The following DMD variants were observed in gnomAD, a reference collection of about 807,000 sequenced individuals.
DMD encodes dystrophin.
A neutral mutation model predicts 330.1 loss-of-function variants in DMD; 63 were observed. The ratio of observed to expected loss-of-function variants is 0.19; its 90% CI spans 0.16 to 0.24. The LOEUF (loss-of-function observed/expected upper bound fraction) is 0.24. Ranked by LOEUF, DMD falls within the 10% of genes least tolerant of loss-of-function variation. DMD has a pLI of 1.00. For missense variants in DMD, 3,344 were observed against 2,684.1 expected (o/e 1.25, Z -5.43); for synonymous variants, 1,223 against 959.8 (o/e 1.27, Z -5.07).
intron 7 of DMD, among the ~76,000 whole-genome samples, chrX:32,720,938 C>T (rs1457088404): frequency 1.8e-5 from 2 of 111,415 alleles, no homozygotes; most frequent in African/African-American, 6.5e-5. Context: ...TATACATTTT[C>T]TTCAGATTTC....
At chrX:32,227,425 C>A (rs1395913053) in intron 43 of DMD, among the ~76,000 whole-genome samples, 2 of 104,746 alleles carry the variant, frequency 1.9e-5, no homozygotes, top group African/African-American at 6.9e-5. Context: ...ATGGATGGAA[C>A]TGGTGGTCAT....
chrX:32,307,501 C>A (rs2097544911), intron 42 of DMD, among the ~76,000 whole-genome samples: 2 of 111,704 alleles, frequency 1.8e-5, no homozygotes, highest in South Asian at 7.3e-4. Flanking sequence ...AGCTACCAGT[C>A]AGAGTACAAG....
At chrX:32,786,875 G>A (rs1435249153) in intron 7 of DMD, among the ~76,000 whole-genome samples, 1 of 111,377 alleles carries the variant, frequency 9.0e-6, no homozygotes, top group Non-Finnish European at 1.9e-5. Flanking sequence ...TAGAGTTTTT[G>A]CAGAAATAAA....
intron 2 of DMD, among the ~76,000 whole-genome samples, chrX:32,921,372 T>A (rs2088377033): frequency 8.9e-6 from 1 of 112,041 alleles, no homozygotes; most frequent in Non-Finnish European, 1.9e-5. Context: ...TGAAAATATG[T>A]TCATCCTCAT....
In DMD at chrX:32,052,335, C is replaced by T. The variant is rs146822874; in HGVS notation, c.6439-83821G>A. ...ATTCTTGACCCCAAATGAATCTTAA[C>T]ACATGGATGAAACACTTCAAAAAGT... On this transcript the variant is annotated intron_variant, in intron 44 of 78. Coordinates refer to ENST00000357033, the MANE Select transcript of DMD (RefSeq NM_004006.3). 9.1e-3 allele frequency among the ~76,000 whole-genome samples: 1,009 copies of T among 110,839 alleles called. 16 individuals are homozygous for T. The highest frequency in any genetic ancestry group is 0.029 in the African/African-American group (874 of 30,604).
At chrX:31,276,991 G>A (rs1289426939) in intron 62 of DMD, among the ~76,000 whole-genome samples, 1 of 111,766 alleles carries the variant, frequency 8.9e-6, no homozygotes, top group African/African-American at 3.3e-5. Context: ...CTGGTTAAAT[G>A]AGTGTGTTCA....
intron 7 of DMD, among the ~76,000 whole-genome samples, chrX:32,750,770 G>A (rs1355020452): frequency 9.0e-6 from 1 of 111,670 alleles, no homozygotes; most frequent in Non-Finnish European, 1.9e-5. Flanking sequence ...TACTGATATG[G>A]TTTGGCTGTG....
intron 7 of DMD, among the ~76,000 whole-genome samples, chrX:32,719,311 T>A (rs762080259): frequency 7.1e-5 from 8 of 112,156 alleles, no homozygotes; most frequent in Non-Finnish European, 1.3e-4. Flanking sequence ...AGAGCTAAGC[T>A]TCTAGAGGTT....
intron 44 of DMD, among the ~76,000 whole-genome samples, chrX:32,148,320 A>C: frequency 8.9e-6 from 1 of 111,908 alleles, no homozygotes. Context: ...CTACATCAGA[A>C]GATATTATGT....
At chrX:32,983,377 T>G (rs147640166) in intron 2 of DMD, among the ~76,000 whole-genome samples, 2 of 111,109 alleles carry the variant, frequency 1.8e-5, no homozygotes, top group Admixed American at 1.9e-4. Context: ...GTATAAGTAA[T>G]ACAATTTGTA....
intron 60 of DMD, among the ~76,000 whole-genome samples, chrX:31,355,473 T>C (rs754067038): frequency 1.6e-4 from 18 of 112,401 alleles, no homozygotes; most frequent in Non-Finnish European, 3.0e-4. Context: ...TCCATGGGAA[T>C]GCAAGAAACA....
Position 33,051,483 on chromosome X carries a change from A to G in DMD, c.32-31283T>C, listed in dbSNP as rs762338759. Among the ~76,000 whole-genome samples, 16 of 109,549 alleles carry G rather than the reference A, an allele frequency of 1.5e-4. No homozygotes were observed. The East Asian group carries it at 4.6e-3, about 31-fold the overall frequency. On this transcript the variant is annotated intron_variant, in intron 1 of 78. Transcript: ENST00000357033. The stretch of plus-strand genomic sequence containing the variant: ...GGCCTCTAACTCCCGAAGTGCTGGG[A>G]TTACAGGAGTGAGCCCCTGCGCCTG...
intron 44 of DMD, among the ~76,000 whole-genome samples, chrX:32,009,965 C>A (rs975610800): frequency 2.7e-5 from 3 of 111,714 alleles, no homozygotes; most frequent in Non-Finnish European, 5.6e-5. Context: ...CTCTTTGATT[C>A]CTTCATGTAC....
chrX:31,420,522 G>GT (rs1410422689), intron 60 of DMD, among the ~76,000 whole-genome samples: 7 of 112,024 alleles, frequency 6.2e-5, no homozygotes, highest in Non-Finnish European at 3.8e-5. Context: ...CCTGACATCT[G>GT]TTTTTTTTAA....
intron 2 of DMD, among the ~76,000 whole-genome samples, chrX:32,953,159 AAAG>A (rs2091360668): frequency 9.1e-6 from 1 of 109,319 alleles, no homozygotes; most frequent in Non-Finnish European, 1.9e-5. Flanking sequence ...AAGAAGAAGA[AAAG>A]AAATTTAAGC....
At position 31,776,068 on chromosome X, in the gene DMD, T is replaced by TCA. The variant is rs1244878236; in HGVS notation, c.7310-1878_7310-1877dup. Among the ~76,000 whole-genome samples, 5 of 112,018 alleles carry TCA rather than the reference T, an allele frequency of 4.5e-5. No individual in the cohort carries two copies. The East Asian group carries it at 1.4e-3, about 31-fold the overall frequency. ...TGTAAAGAAGAAATAGCATTTTGTG[T>TCA]CACAGTCCAGGAGAAGAAATCATGG... On this transcript the variant is annotated intron_variant, in intron 50 of 78. Transcript: ENST00000357033.
intron 13 of DMD, among the ~76,000 whole-genome samples, chrX:32,588,990 A>T (rs1426803131): frequency 9.0e-6 from 1 of 111,537 alleles, no homozygotes; most frequent in African/African-American, 3.3e-5. Context: ...GACTTCAAGG[A>T]TGTGTTCAGA....
chrX:33,018,218 A>C (rs1041150), intron 2 of DMD, among the ~76,000 whole-genome samples: 11,274 of 111,452 alleles, frequency 0.1, 777 homozygotes, highest in African/African-American at 0.23. Flanking sequence ...TTGATAATAG[A>C]ATTTCTGTAC....
At chrX:31,162,365 A>AAAAAAT in intron 74 of DMD, among the ~76,000 whole-genome samples, 1 of 100,239 alleles carries the variant, frequency 1.0e-5, no homozygotes, top group East Asian at 3.1e-4. Flanking sequence ...CTAAAAAAAA[A>AAAAAAT]AAAAAAAAAA....
Sources: gnomAD v4.1 joint callset for allele counts (sites outside exome capture counted in the v4.1 genomes callset) on GRCh38, gnomAD v4.1.1 for gene constraint, MANE v1.5 for transcripts, NCBI Gene and HGNC (gene_info 2026-07-23, HGNC 2026-07-21) for gene names.